The following TRPC7 variants were observed in gnomAD, a reference collection of about 807,000 sequenced individuals.
TRPC7 encodes transient receptor potential cation channel subfamily C member 7.
In TRPC7, 42 loss-of-function variants were observed where a neutral mutation model predicts 90.1. The observed-to-expected ratio is 0.47, with a 90% CI of 0.36 to 0.60. The LOEUF (loss-of-function observed/expected upper bound fraction) is 0.60. TRPC7 is among the 20% of genes least tolerant of loss of function. The probability of loss-of-function intolerance (pLI) is 0.00; values close to 1 mark genes in which losing one functional copy is unlikely to be tolerated. For missense variants in TRPC7, 955 were observed against 1,112.3 expected, an observed-to-expected ratio of 0.86 and a Z score of 2.01; for synonymous variants, 451 against 436.3, an observed-to-expected ratio of 1.03 and a Z score of -0.42.
chr5:136,296,039 T>C (rs1038929552), intron 3 of TRPC7, among the ~76,000 whole-genome samples: 20 of 152,134 alleles, frequency 1.3e-4, no homozygotes, highest in African/African-American at 4.8e-4. Flanking sequence ...AAGTTCTATA[T>C]CACACAAGAA....
At chr5:136,229,690 T>G (rs1333576048) in intron 8 of TRPC7, among the ~76,000 whole-genome samples, 1 of 152,200 alleles carries the variant, frequency 6.6e-6, no homozygotes, top group African/African-American at 2.4e-5. Flanking sequence ...GGGAAGAAAC[T>G]TCTAATGTTT....
At chr5:136,340,695 A>G (rs1040818540) in intron 2 of TRPC7, among the ~76,000 whole-genome samples, 8 of 152,186 alleles carry the variant, frequency 5.3e-5, no homozygotes, top group Admixed American at 2.0e-4. Flanking sequence ...CGTTCAGAAA[A>G]GAATACCATA....
intron 2 of TRPC7, among the ~76,000 whole-genome samples, chr5:136,339,867 C>T (rs1295874086): frequency 6.6e-6 from 1 of 151,980 alleles, no homozygotes; most frequent in Non-Finnish European, 1.5e-5. Context: ...ACAACAACAA[C>T]AACAACAAAG....
chr5:136,342,041 C>T (rs2149852869), intron 2 of TRPC7, among the ~76,000 whole-genome samples: 1 of 152,154 alleles, frequency 6.6e-6, no homozygotes, highest in East Asian at 1.9e-4. Flanking sequence ...TTTTAGTAGC[C>T]TTTCAGGTAA....
rs1192533975 is a variant in TRPC7, at chr5:136,289,439, C to G, written c.964-14602G>C. ...TGGCACCTGGAAAATCGGGTCACTC[C>G]CACCCTAATACTGCGCTCTTCCAAC... On this transcript the variant is annotated intron_variant, in intron 3 of 11. Transcript: ENST00000513104. Among the ~76,000 whole-genome samples the G allele has an allele frequency of 2.6e-5, 4 of 152,204 alleles. No individual in the cohort carries two copies. In the East Asian group the frequency reaches 7.7e-4, roughly 29 times the overall value.
At chr5:136,292,189 A>T (rs1337055460) in intron 3 of TRPC7, among the ~76,000 whole-genome samples, 2 of 152,374 alleles carry the variant, frequency 1.3e-5, no homozygotes, top group Admixed American at 1.3e-4. Flanking sequence ...AAGACAAAGC[A>T]GGAAAGGTCT....
chr5:136,309,431 G>T (rs759197113), intron 3 of TRPC7, among the ~76,000 whole-genome samples: 5 of 152,096 alleles, frequency 3.3e-5, no homozygotes, highest in Non-Finnish European at 7.3e-5. Flanking sequence ...TACCTCAGAG[G>T]GTGATTCTTT....
At chr5:136,301,332 ATTTTTTTTTTTTTTT>A (rs368799815) in intron 3 of TRPC7, among the ~76,000 whole-genome samples, 2 of 85,710 alleles carry the variant, frequency 2.3e-5, no homozygotes, top group Admixed American at 1.4e-4. Context: ...CAGCCCAGGC[ATTTTTTTTTTTTTTT>A]TTTTTTTTTT....
intron 3 of TRPC7, among the ~76,000 whole-genome samples, chr5:136,278,248 A>C (rs1358426775): frequency 6.6e-6 from 1 of 152,220 alleles, no homozygotes; most frequent in Non-Finnish European, 1.5e-5. Flanking sequence ...GCTGGAGAGG[A>C]AACTCCTCCT....
At chr5:136,359,556 C>G (rs1301516933) in intron 1 of TRPC7, among the ~76,000 whole-genome samples, 2 of 152,158 alleles carry the variant, frequency 1.3e-5, no homozygotes, top group African/African-American at 4.8e-5. Flanking sequence ...CAGAGACAGT[C>G]TGCTCAATGG....
At chr5:136,269,367 G>A (rs1295007322) in intron 4 of TRPC7, among the ~76,000 whole-genome samples, 1 of 152,168 alleles carries the variant, frequency 6.6e-6, no homozygotes, top group Non-Finnish European at 1.5e-5. Flanking sequence ...TGCCTTCATG[G>A]ACCTTTGGGG....
At chr5:136,330,073 A>C (rs771647192) in intron 2 of TRPC7, among the ~76,000 whole-genome samples, 2 of 152,190 alleles carry the variant, frequency 1.3e-5, no homozygotes, top group Non-Finnish European at 2.9e-5. Context: ...CCTTCAGGAC[A>C]TGTGAGTTGA....
Position 136,266,247 on chromosome 5 carries a change from C to A in TRPC7, c.1318G>T (p.Glu440Ter). ...AAGACCCACTTCATAATGAGCATTT[C>A]TGTCCAGGAGAACTGTGTGGTTTTC... Reference protein sequence around the residue: ...RVKTTQFSWTEMLIMKWVLGM... With the variant: ...RVKTTQFSWT The change falls in exon 5 of 12, where the codon GAA becomes TAA. Residue 440 changes from glutamate (E) to a stop codon, truncating the protein, a stop_gained. Coordinates refer to ENST00000513104, the MANE Select transcript of TRPC7 (RefSeq NM_020389.3). LOFTEE classifies it high-confidence loss of function. The A allele has an allele frequency of 1.9e-6, 3 of 1,613,902 alleles. No individual in the cohort carries two copies. In the African/African-American group the frequency reaches 4.0e-5, roughly 22 times the overall value.
At chr5:136,323,209 G>A (rs917457814) in intron 2 of TRPC7, among the ~76,000 whole-genome samples, 3 of 152,220 alleles carry the variant, frequency 2.0e-5, no homozygotes, top group Non-Finnish European at 2.9e-5. Flanking sequence ...TGCCACGTGA[G>A]ACGTGCCTTT....
At chr5:136,268,238 A>G (rs1442127754) in intron 4 of TRPC7, among the ~76,000 whole-genome samples, 1 of 152,208 alleles carries the variant, frequency 6.6e-6, no homozygotes, top group Non-Finnish European at 1.5e-5. Context: ...TTAGGTAGTC[A>G]TCACATTGTT....
At chr5:136,325,273 C>T (rs1759310571) in intron 2 of TRPC7, among the ~76,000 whole-genome samples, 2 of 152,126 alleles carry the variant, frequency 1.3e-5, no homozygotes, top group African/African-American at 4.8e-5. Context: ...GAGGACATGC[C>T]TGGAGAGAGC....
intron 4 of TRPC7, among the ~76,000 whole-genome samples, chr5:136,266,989 A>G (rs1757054177): frequency 6.6e-6 from 1 of 152,084 alleles, no homozygotes; most frequent in African/African-American, 2.4e-5. Flanking sequence ...TTATATTGTG[A>G]TTTCATTTTT....
intron 2 of TRPC7, among the ~76,000 whole-genome samples, chr5:136,317,808 T>C (rs1384264796): frequency 2.6e-5 from 4 of 152,184 alleles, no homozygotes; most frequent in Non-Finnish European, 4.4e-5. Flanking sequence ...GAAAAGGACT[T>C]GATCCAGCTC....
At chr5:136,300,276 C>G (rs1050421698) in intron 3 of TRPC7, among the ~76,000 whole-genome samples, 6 of 152,200 alleles carry the variant, frequency 3.9e-5, no homozygotes, top group Non-Finnish European at 8.8e-5. Context: ...GAGCATCAGA[C>G]ATTTTGTCCT....
Sources: gnomAD v4.1 joint callset for allele counts (sites outside exome capture counted in the v4.1 genomes callset) on GRCh38, gnomAD v4.1.1 for gene constraint, MANE v1.5 for transcripts, NCBI Gene and HGNC (gene_info 2026-07-23, HGNC 2026-07-21) for gene names.